EDARADD: variants seen among roughly 807,000 people sequenced by gnomAD.
EDARADD encodes the protein ectodysplasin-A receptor-associated adapter protein.
EDARADD carries 20 observed loss-of-function variants against 25.6 expected under a neutral mutation model. That is an observed-to-expected ratio of 0.78 (90% CI 0.55 to 1.14). The LOEUF (loss-of-function observed/expected upper bound fraction) is 1.14, where lower values mean the gene tolerates loss of function less well. EDARADD is among the 50% of genes most tolerant of loss of function. The pLI, the probability that EDARADD is intolerant of heterozygous loss-of-function variation, is 0.00. For synonymous variants in EDARADD, 86 were observed against 94.4 expected, an observed-to-expected ratio of 0.91 and a Z score of 0.52; for missense variants, 225 against 270.1, an observed-to-expected ratio of 0.83 and a Z score of 1.17.
chr1:236,425,175 G>A (rs1016655234), intron 3 of EDARADD, among the ~76,000 whole-genome samples: 26 of 152,350 alleles, frequency 1.7e-4, no homozygotes, highest in East Asian at 1.4e-3. Context: ...GCTCTTTGGC[G>A]TGTTGGAAGC....
chr1:236,468,343 G>C, intron 5 of EDARADD, 67 bp downstream of exon 5: 6 of 1,552,138 alleles, frequency 3.9e-6, no homozygotes, highest in Non-Finnish European at 4.4e-6. Flanking sequence ...ATAATTTGAG[G>C]CCAGGGTCGG....
chr1:236,476,914 C>T (rs975953218), intron 5 of EDARADD, among the ~76,000 whole-genome samples: 1 of 151,042 alleles, frequency 6.6e-6, no homozygotes, highest in Non-Finnish European at 1.5e-5. Flanking sequence ...ATTGCTTGAG[C>T]CCATGAAGTG....
intron 4 of EDARADD, among the ~76,000 whole-genome samples, chr1:236,429,853 T>G (rs1658048442): frequency 6.6e-6 from 1 of 152,220 alleles, no homozygotes; most frequent in South Asian, 2.1e-4. Context: ...CTCCCAAAGC[T>G]CATTAGCAGA....
intron 3 of EDARADD, among the ~76,000 whole-genome samples, chr1:236,374,060 T>C (rs1437339118): frequency 1.3e-5 from 2 of 152,188 alleles, no homozygotes; most frequent in Non-Finnish European, 2.9e-5. Context: ...TTTAAATTTG[T>C]TGTGGTGTGT....
At chr1:236,427,353 C>T (rs778473313) in intron 3 of EDARADD, 39 bp from the exon 4 acceptor site, 3 of 1,592,192 alleles carry the variant, frequency 1.9e-6, no homozygotes, top group Non-Finnish European at 2.6e-6. Context: ...TTTAAAATCA[C>T]ACTTTGTTTC....
intron 2 of EDARADD, among the ~76,000 whole-genome samples, chr1:236,412,973 C>T (rs561167635): frequency 2.6e-5 from 4 of 152,346 alleles, no homozygotes; most frequent in Admixed American, 6.5e-5. Flanking sequence ...GGGCAATTCT[C>T]GTAACTCAGC....
intron 3 of EDARADD, among the ~76,000 whole-genome samples, chr1:236,363,322 G>A (rs1667077323): frequency 6.6e-6 from 1 of 151,888 alleles, no homozygotes; most frequent in African/African-American, 2.4e-5. Flanking sequence ...GGTGAGGCCT[G>A]GTGGGAGTGA....
In EDARADD at chr1:236,484,304, C is replaced by G; in HGVS notation, c.*1655C>G. 9.1e-7 allele frequency: 1 copy of G among 1,102,416 alleles called. No individual in the cohort carries two copies. The highest frequency in any genetic ancestry group is 1.2e-5 in the South Asian group (1 of 80,720). 68.3% of individuals were successfully genotyped at this position (1,102,416 alleles called of 1,614,324 possible). A position where few individuals can be genotyped will look rare whatever the true frequency, so the allele number is the denominator to read the frequency against. ...ATTCTGGGGAGACTGAAAATACCTT[C>G]ATCACTGACCTGGTGGTGGGGCTGT... On this transcript the variant is annotated 3_prime_UTR_variant, in exon 6 of 6. Transcript: ENST00000334232. This position sits in a 1 kb window ranked among gnomAD's most constrained non-coding sequence, Gnocchi z 4.1.
chr1:236,361,886 G>T (rs144240082), intron 3 of EDARADD, among the ~76,000 whole-genome samples: 3 of 151,874 alleles, frequency 2.0e-5, no homozygotes, highest in African/African-American at 7.3e-5. Flanking sequence ...ATACGTTTTT[G>T]TATAATTATA....
chr1:236,374,240 G>C (rs1667200301), intron 3 of EDARADD, among the ~76,000 whole-genome samples: 2 of 151,588 alleles, frequency 1.3e-5, no homozygotes, highest in African/African-American at 4.8e-5. Flanking sequence ...CTGCCTGCTA[G>C]GTCTGTTCCC....
chr1:236,417,509 C>G (rs1277219859), intron 3 of EDARADD, among the ~76,000 whole-genome samples: 1 of 152,120 alleles, frequency 6.6e-6, no homozygotes, highest in Non-Finnish European at 1.5e-5. Context: ...TAAATTATAT[C>G]TGTTTTCTCA....
intron 1 of EDARADD, among the ~76,000 whole-genome samples, chr1:236,400,154 C>G (rs1312315049): frequency 3.3e-5 from 5 of 152,334 alleles, no homozygotes; most frequent in African/African-American, 1.2e-4. Flanking sequence ...TGGGTTTTCC[C>G]AATGCTCACT....
chr1:236,484,390 A>C lies in EDARADD; in HGVS notation c.*1741A>C, dbSNP rs932761681. On this transcript the variant is annotated 3_prime_UTR_variant, in exon 6 of 6. Coordinates refer to ENST00000334232, the MANE Select transcript of EDARADD (RefSeq NM_145861.4). The surrounding 1 kb of genome is among the most constrained non-coding windows in gnomAD (Gnocchi z 4.1). ...TCTGAGCGCTTGGCCAAGTACAACC[A>C]GCTCCTCAGAATTGAAGAGGAGCTG... The C allele has an allele frequency of 3.1e-6, 5 of 1,605,284 alleles. No individual in the cohort carries two copies. The African/African-American group carries it at 6.7e-5, about 21-fold the overall frequency.
rs545148295 is a variant in EDARADD, at chr1:236,427,069, C to T, written c.161-323C>T. Reference sequence around the variant, plus strand: ...GCTAATTTTGTATTTTTAGTAGAGACGGGGGTTTCTCCATGTTGGTCAGGC... The same window carrying T: ...GCTAATTTTGTATTTTTAGTAGAGATGGGGGTTTCTCCATGTTGGTCAGGC... On this transcript the variant is annotated intron_variant, in intron 3 of 5. Coordinates refer to ENST00000334232, the MANE Select transcript of EDARADD (RefSeq NM_145861.4). Among the ~76,000 whole-genome samples, 12 of 152,134 alleles carry T rather than the reference C, an allele frequency of 7.9e-5. 1 individual carries two copies. The highest frequency in any genetic ancestry group is 1.9e-4 in the African/African-American group (8 of 41,504).
intron 3 of EDARADD, among the ~76,000 whole-genome samples, chr1:236,358,715 A>C (rs1167095844): frequency 6.6e-6 from 1 of 151,870 alleles, no homozygotes; most frequent in Non-Finnish European, 1.5e-5. Flanking sequence ...TTCTAATTTG[A>C]TTGTGCTGTG....
chr1:236,393,447 G>A (rs151316316), upstream of EDARADD, among the ~76,000 whole-genome samples: 2,769 of 130,870 alleles, frequency 0.021, 103 homozygotes, highest in African/African-American at 0.077. Context: ...CCAGGCTGGA[G>A]TGCCGTGGTG....
chr1:236,443,583 G>A (rs1274520005), intron 4 of EDARADD, among the ~76,000 whole-genome samples: 1 of 152,198 alleles, frequency 6.6e-6, no homozygotes, highest in African/African-American at 2.4e-5. Context: ...TAGAAGTGGT[G>A]CCTGAAGATG....
At chr1:236,468,164 G>A in intron 4 of EDARADD, 67 bp from the exon 5 acceptor site, 1 of 1,507,340 alleles carries the variant, frequency 6.6e-7, no homozygotes, top group Non-Finnish European at 9.2e-7. Flanking sequence ...AACTAAGTTG[G>A]AAGATTGATA....
At chr1:236,428,276 C>T (rs576398268) in intron 4 of EDARADD, among the ~76,000 whole-genome samples, 55 of 152,294 alleles carry the variant, frequency 3.6e-4, no homozygotes, top group Non-Finnish European at 6.5e-4. Context: ...TTTCAGAGAG[C>T]ACAGGGTTGG....
Sources: gnomAD v4.1 joint callset for allele counts (sites outside exome capture counted in the v4.1 genomes callset) on GRCh38, gnomAD v4.1.1 for gene constraint, Gnocchi (gnomAD v3.1) non-coding constraint, MANE v1.5 for transcripts, NCBI Gene and HGNC (gene_info 2026-07-23, HGNC 2026-07-21) for gene names.